Variants in KCNQ5 observed in about 807,000 individuals in gnomAD.
KCNQ5 encodes potassium voltage-gated channel subfamily KQT member 5.
KCNQ5 carries 30 observed loss-of-function variants against 98.2 expected under a neutral mutation model. That is an observed-to-expected ratio of 0.31 (90% CI 0.23 to 0.41). KCNQ5 has a LOEUF of 0.41. KCNQ5 is among the 10% of genes least tolerant of loss of function. KCNQ5 has a pLI of 1.00. For missense variants in KCNQ5, 835 were observed against 1,182.5 expected (o/e 0.71, Z 4.31); for synonymous variants, 458 against 449.4 (o/e 1.02, Z -0.24).
At chr6:72,626,962 G>A (rs1206862477) in intron 1 of KCNQ5, among the ~76,000 whole-genome samples, 2 of 152,228 alleles carry the variant, frequency 1.3e-5, no homozygotes, top group Non-Finnish European at 2.9e-5. Flanking sequence ...ATGGGACAAA[G>A]AGTGAAGGGC....
chr6:72,830,711 C>T (rs865811485), intron 1 of KCNQ5, among the ~76,000 whole-genome samples: 4 of 152,152 alleles, frequency 2.6e-5, no homozygotes, highest in South Asian at 4.1e-4. Context: ...AAAGCAATGG[C>T]AACAAAAGCC....
chr6:72,656,450 A>C (rs1766198351), intron 1 of KCNQ5, among the ~76,000 whole-genome samples: 1 of 152,216 alleles, frequency 6.6e-6, no homozygotes, highest in African/African-American at 2.4e-5. Flanking sequence ...CATGAAGCTC[A>C]GTTTCCCACA....
At chr6:72,699,331 A>C (rs142851131) in intron 1 of KCNQ5, among the ~76,000 whole-genome samples, 249 of 152,344 alleles carry the variant, frequency 1.6e-3, no homozygotes, top group South Asian at 6.2e-3. Context: ...TCAAATTAAC[A>C]GTGACTAAAG....
intron 1 of KCNQ5, among the ~76,000 whole-genome samples, chr6:72,742,263 A>G (rs1202286349): frequency 6.6e-6 from 1 of 152,180 alleles, no homozygotes; most frequent in African/African-American, 2.4e-5. Context: ...ATGCCATGCA[A>G]TTCAAGGATC....
chr6:72,640,443 C>T (rs751787538), intron 1 of KCNQ5, among the ~76,000 whole-genome samples: 9 of 151,794 alleles, frequency 5.9e-5, no homozygotes, highest in Admixed American at 3.3e-4. Flanking sequence ...ATGTGTTCAA[C>T]GAATAAATAA....
chr6:72,765,679 T>C (rs1336106473), intron 1 of KCNQ5, among the ~76,000 whole-genome samples: 2 of 152,040 alleles, frequency 1.3e-5, no homozygotes, highest in Non-Finnish European at 2.9e-5. Flanking sequence ...GCAGCTGATA[T>C]CAACCTTCCT....
intron 1 of KCNQ5, among the ~76,000 whole-genome samples, chr6:72,799,781 A>T (rs1774538957): frequency 1.3e-5 from 2 of 152,180 alleles, no homozygotes; most frequent in African/African-American, 4.8e-5. Flanking sequence ...CCTTGAGCAC[A>T]TTCTGCATGC....
chr6:72,641,972 A>G (rs570732764), intron 1 of KCNQ5, among the ~76,000 whole-genome samples: 59 of 151,692 alleles, frequency 3.9e-4, no homozygotes, highest in African/African-American at 1.3e-3. Context: ...AATATCTACA[A>G]TCTTTTCTCT....
At chr6:72,915,015 T>C (rs1040664147) in intron 1 of KCNQ5, among the ~76,000 whole-genome samples, 9 of 151,956 alleles carry the variant, frequency 5.9e-5, no homozygotes, top group Non-Finnish European at 1.0e-4. Flanking sequence ...TCAAAAAAGA[T>C]ATAGAGAGAA....
chr6:72,824,504 C>T (rs1400572188), intron 1 of KCNQ5, among the ~76,000 whole-genome samples: 1 of 151,912 alleles, frequency 6.6e-6, no homozygotes, highest in Non-Finnish European at 1.5e-5. Context: ...TTTCTATTGC[C>T]TGAGTAATTT....
intron 1 of KCNQ5, among the ~76,000 whole-genome samples, chr6:72,828,174 C>T (rs1362527200): frequency 6.6e-6 from 1 of 152,102 alleles, no homozygotes; most frequent in Non-Finnish European, 1.5e-5. Context: ...GTACCACCAT[C>T]TTTGTTCTTT....
intron 1 of KCNQ5, among the ~76,000 whole-genome samples, chr6:72,903,281 C>T (rs1344910325): frequency 6.6e-6 from 1 of 151,952 alleles, no homozygotes; most frequent in East Asian, 1.9e-4. Flanking sequence ...TTCAAATAAC[C>T]AGCTTTTTGT....
chr6:72,767,555 C>A (rs777022898), intron 1 of KCNQ5, among the ~76,000 whole-genome samples: 1 of 151,738 alleles, frequency 6.6e-6, no homozygotes, highest in Non-Finnish European at 1.5e-5. Flanking sequence ...AAAGAGAACC[C>A]ACAGAATGGG....
chr6:73,124,360 G>A lies in KCNQ5; in HGVS notation c.1221-126G>A, dbSNP rs146668903. On this transcript the variant is annotated intron_variant, in intron 8 of 13. Transcript: ENST00000370398. ...TTATTATAAAGAACACTGCTTTTGT[G>A]GATCTTGCATGAAAAGAGTTACTTA... 305 of 794,786 alleles carry A rather than the reference G, an allele frequency of 3.8e-4. 3 individuals carry two copies. The African/African-American group carries it at 5.1e-3, about 13-fold the overall frequency. The allele number at this position is 794,786 out of a possible 1,614,324, so 49.2% of individuals were successfully genotyped here. A position where few individuals can be genotyped will look rare whatever the true frequency, so the allele number is the denominator to read the frequency against.
intron 8 of KCNQ5, among the ~76,000 whole-genome samples, chr6:73,123,058 A>G (rs898102896): frequency 2.6e-5 from 4 of 152,092 alleles, no homozygotes; most frequent in Non-Finnish European, 5.9e-5. Context: ...GCATTCAACA[A>G]TTACTCATTG....
chr6:72,626,136 G>A (rs1280292417), intron 1 of KCNQ5, among the ~76,000 whole-genome samples: 19 of 152,238 alleles, frequency 1.2e-4, no homozygotes, highest in Admixed American at 1.2e-3. Context: ...ACGCCAGCAA[G>A]GGACTACTAC....
intron 5 of KCNQ5, 143 bp from the exon 6 acceptor site, chr6:73,105,114 G>C: frequency 2.0e-6 from 1 of 489,034 alleles, no homozygotes. Flanking sequence ...CATGCGTCAT[G>C]GAAAATTAAA....
chr6:73,193,497 A>AATAAAATAAG (rs1765675314), intron 13 of KCNQ5, among the ~76,000 whole-genome samples: 1 of 148,992 alleles, frequency 6.7e-6, no homozygotes, highest in African/African-American at 2.4e-5. Context: ...AATAAAATAA[A>AATAAAATAAG]ATAAAATAAA....
At chr6:73,090,185 T>C (rs1369535916) in intron 5 of KCNQ5, among the ~76,000 whole-genome samples, 2 of 152,140 alleles carry the variant, frequency 1.3e-5, no homozygotes, top group Admixed American at 6.5e-5. Context: ...TTTTTTCATG[T>C]GTCTTGGCCA....
Sources: allele counts gnomAD v4.1 joint callset (sites outside exome capture counted in the v4.1 genomes callset), GRCh38; gene constraint gnomAD v4.1.1; transcripts MANE v1.5; gene names NCBI Gene and HGNC (gene_info 2026-07-23, HGNC 2026-07-21).